KAZN: variants seen among roughly 807,000 people sequenced by gnomAD.
KAZN encodes the protein kazrin, periplakin interacting protein, also known as kazrin.
A neutral mutation model predicts 87.4 loss-of-function variants in KAZN; 40 were observed. The ratio of observed to expected loss-of-function variants is 0.46; its 90% CI spans 0.36 to 0.60. KAZN has a LOEUF of 0.60. KAZN is among the 20% of genes least tolerant of loss of function. The probability of loss-of-function intolerance (pLI) is 0.00; values close to 1 mark genes in which losing one functional copy is unlikely to be tolerated. For synonymous variants in KAZN, 466 were observed against 458.3 expected (o/e 1.02, Z -0.22); for missense variants, 898 against 1,073.9 (o/e 0.84, Z 2.29).
Position 14,960,736 on chromosome 1 carries a change from G to A in KAZN, c.279G>A (p.Arg93=), listed in dbSNP as rs1397097866. The change falls in exon 2 of 15, where the codon CGG becomes CGA. Residue 93 remains arginine (R), a synonymous_variant. Coordinates refer to ENST00000376030, the MANE Select transcript of KAZN (RefSeq NM_201628.3). ...TCCAGGAGGAAGTTCACCTTCTCCG[G>A]CAGATGAAGGAGATGTTGGCGAAGG... ...SRLQEEVHLL[R]QMKEMLAKDL... 2 of 1,591,210 alleles carry A rather than the reference G, an allele frequency of 1.3e-6. No individual in the cohort carries two copies. Among genetic ancestry groups the A allele is most frequent in the East Asian group, 2.3e-5 (1 of 44,104 alleles).
chr1:14,411,105 AG>A (rs1202055191), intron 2 of KAZN, among the ~76,000 whole-genome samples: 2 of 152,256 alleles, frequency 1.3e-5, no homozygotes, highest in African/African-American at 2.4e-5. Context: ...GTGAAACGGG[AG>A]AATGCCAAAT....
chr1:14,699,431 C>G (rs560278686), intron 1 of KAZN, among the ~76,000 whole-genome samples: 9 of 152,334 alleles, frequency 5.9e-5, no homozygotes, highest in African/African-American at 2.2e-4. Context: ...GAGCATTATG[C>G]CCGGCCTTAG....
Position 13,982,936 on chromosome 1 carries a change from C to T in KAZN, c.91+89180C>T, listed in dbSNP as rs140467158. On this transcript the variant is annotated intron_variant, in intron 1 of 16. Transcript: ENST00000636203. ...CCCCACCAGAGCAGCTAGATACAGTCTCCATTGGTGTGCTCACAAACCCTG... is the reference window on the plus strand; with the variant it reads ...CCCCACCAGAGCAGCTAGATACAGTTTCCATTGGTGTGCTCACAAACCCTG... Among the ~76,000 whole-genome samples, 532 of 151,108 alleles carry T rather than the reference C, an allele frequency of 3.5e-3. 2 individuals are homozygous for T. Among genetic ancestry groups the T allele is most frequent in the African/African-American group, 0.012 (496 of 41,026 alleles).
chr1:14,293,127 A>G (rs1386710971), intron 2 of KAZN, among the ~76,000 whole-genome samples: 1 of 152,202 alleles, frequency 6.6e-6, no homozygotes, highest in Non-Finnish European at 1.5e-5. Flanking sequence ...GCAAACAAGG[A>G]AAGAGTCACA....
At chr1:14,014,618 A>G (rs1640477395) in intron 1 of KAZN, among the ~76,000 whole-genome samples, 1 of 152,216 alleles carries the variant, frequency 6.6e-6, no homozygotes, top group Admixed American at 6.5e-5. Context: ...AATCAAAAGA[A>G]GAATAATATT....
chr1:14,984,487 G>A (rs1344115344), intron 2 of KAZN, among the ~76,000 whole-genome samples: 2 of 152,284 alleles, frequency 1.3e-5, no homozygotes, highest in South Asian at 2.1e-4. Context: ...GGGGGAAGGC[G>A]GTGGATTGGA....
At chr1:14,595,449 A>C (rs1676439684), upstream of KAZN, among the ~76,000 whole-genome samples, 2 of 152,056 alleles carry the variant, frequency 1.3e-5, no homozygotes. Flanking sequence ...AGGCCGAGGC[A>C]GGTGGATTGC....
chr1:14,583,587 G>A (rs34982023), intron 2 of KAZN, among the ~76,000 whole-genome samples: 23,771 of 152,154 alleles, frequency 0.16, 2,054 homozygotes, highest in East Asian at 0.26. Flanking sequence ...CAAGTCACTG[G>A]CCCAAGGCTG....
intron 10 of KAZN, among the ~76,000 whole-genome samples, chr1:15,098,246 C>T (rs1188139896): frequency 1.3e-5 from 2 of 152,252 alleles, no homozygotes; most frequent in African/African-American, 2.4e-5. Flanking sequence ...GGGGCAGTGA[C>T]AGATTTTATA....
chr1:14,538,727 A>C (rs1672642490), intron 2 of KAZN, among the ~76,000 whole-genome samples: 1 of 152,252 alleles, frequency 6.6e-6, no homozygotes, highest in African/African-American at 2.4e-5. Flanking sequence ...TGATTTTATA[A>C]GGCTACAGGA....
At chr1:15,015,206 G>A (rs546325304) in intron 2 of KAZN, among the ~76,000 whole-genome samples, 1 of 151,952 alleles carries the variant, frequency 6.6e-6, no homozygotes, top group South Asian at 2.1e-4. Context: ...AGGCTGGAGT[G>A]CAGTGGCGCG....
intron 1 of KAZN, among the ~76,000 whole-genome samples, chr1:13,953,124 A>G (rs16853258): frequency 0.02 from 3,045 of 152,162 alleles, 108 homozygotes; most frequent in African/African-American, 0.069. Context: ...TCAATAGACA[A>G]TTGGCCTGGG....
intron 2 of KAZN, among the ~76,000 whole-genome samples, chr1:14,373,681 C>A (rs940801549): frequency 6.6e-6 from 1 of 152,170 alleles, no homozygotes; most frequent in Non-Finnish European, 1.5e-5. Context: ...AGTTTGTCTT[C>A]TTTTTCTAGG....
At chr1:14,293,111 C>G (rs1305399054) in intron 2 of KAZN, among the ~76,000 whole-genome samples, 4 of 152,160 alleles carry the variant, frequency 2.6e-5, no homozygotes, top group Non-Finnish European at 4.4e-5. Flanking sequence ...GCCTCATTTC[C>G]ATTTTGCAAA....
At chr1:14,838,195 T>TGGCTGTGTGAA (rs2100916817) in intron 1 of KAZN, among the ~76,000 whole-genome samples, 1 of 152,324 alleles carries the variant, frequency 6.6e-6, no homozygotes, top group South Asian at 2.1e-4. Context: ...AAAAGAGCTG[T>TGGCTGTGTGAA]GGCTGTGTGA....
At chr1:14,553,767 G>T (rs1347009526) in intron 2 of KAZN, among the ~76,000 whole-genome samples, 1 of 152,178 alleles carries the variant, frequency 6.6e-6, no homozygotes, top group East Asian at 1.9e-4. Context: ...ACCACCGGGT[G>T]GTTGTCAGGC....
intron 3 of KAZN, among the ~76,000 whole-genome samples, chr1:15,043,586 C>CCACAG (rs1673140032): frequency 5.3e-5 from 8 of 151,744 alleles, no homozygotes. Flanking sequence ...GGCTTTCCCA[C>CCACAG]CACAGAGCCA....
At chr1:14,768,763 G>A (rs1287094512) in intron 1 of KAZN, among the ~76,000 whole-genome samples, 2 of 152,226 alleles carry the variant, frequency 1.3e-5, no homozygotes, top group African/African-American at 4.8e-5. Flanking sequence ...CTGATTATGA[G>A]TAATGACTCA....
intron 2 of KAZN, among the ~76,000 whole-genome samples, chr1:14,391,818 C>G (rs1191746111): frequency 6.6e-6 from 1 of 152,044 alleles, no homozygotes; most frequent in Non-Finnish European, 1.5e-5. Flanking sequence ...GTTATTTTTT[C>G]CCTTTTTAAA....
Sources: gnomAD v4.1 joint callset for allele counts (sites outside exome capture counted in the v4.1 genomes callset) on GRCh38, gnomAD v4.1.1 for gene constraint, MANE v1.5 for transcripts, NCBI Gene and HGNC (gene_info 2026-07-23, HGNC 2026-07-21) for gene names.